Variants in DDX28 observed in about 807,000 individuals in gnomAD.
DDX28 encodes DEAD-box helicase 28.
Under a neutral mutation model 26.8 loss-of-function variants are expected in DDX28, and 25 were observed. The ratio of observed to expected loss-of-function variants is 0.93; its 90% CI spans 0.68 to 1.30. The LOEUF is 1.30. DDX28 is among the 50% of genes most tolerant of loss of function. The pLI, the probability that DDX28 is intolerant of heterozygous loss-of-function variation, is 0.00. For missense variants in DDX28, 790 were observed against 695.1 expected (o/e 1.14, Z -1.53); for synonymous variants, 370 against 311.9 (o/e 1.19, Z -1.96).
chr16:68,022,556 G>T lies in DDX28; in HGVS notation c.647C>A (p.Ala216Asp). The T allele has an allele frequency of 3.1e-6, 5 of 1,614,010 alleles. No homozygotes were observed. The highest frequency in any genetic ancestry group is 4.2e-6 in the Non-Finnish European group (5 of 1,180,026). Reference protein sequence around the residue: ...GLVLVPSRELAQQVRAVAQPL... With the variant: ...GLVLVPSRELDQQVRAVAQPL... The stretch of plus-strand genomic sequence containing the variant: ...TTGGGCCACAGCCCGCACCTGTTGG[G>T]CCAATTCTCGGGAAGGAACAAGGAC... Residue 216 changes from alanine (A) to aspartate (D), a missense_variant, in exon 1 of 1, where the codon GCC becomes GAC. Transcript: ENST00000332395.
rs2033283207 is a variant in DDX28 at position 68,023,162 on chromosome 16, G to C, written c.41C>G (p.Thr14Ser). Reference protein sequence around the residue: ...TRPVRLFSLVTRLLLAPRRGL... With the variant: ...TRPVRLFSLVSRLLLAPRRGL... ...CCGTCGCGGCGCCAGGAGCAACCGAGTCACGAGGGAAAAGAGCCGCACCGG... is the reference window on the plus strand; with the variant it reads ...CCGTCGCGGCGCCAGGAGCAACCGACTCACGAGGGAAAAGAGCCGCACCGG... Residue 14 changes from threonine to serine, a missense_variant, in exon 1 of 1, where the codon ACT becomes AGT. Transcript: ENST00000332395. The C allele has an allele frequency of 1.2e-6, 2 of 1,608,882 alleles. No individual in the cohort carries two copies. Among genetic ancestry groups the C allele is most frequent in the East Asian group, 4.5e-5 (2 of 44,862 alleles).
rs766079779 is a variant in DDX28 at position 68,021,735 on chromosome 16, G to A, written c.1468C>T (p.Arg490Cys). The A allele has an allele frequency of 1.4e-5, 23 of 1,614,036 alleles. No individual in the cohort carries two copies. Among genetic ancestry groups the A allele is most frequent in the Non-Finnish European group, 1.6e-5 (19 of 1,180,030 alleles). Reference protein sequence around the residue: ...DYIHRAGRVGRVGSEVPGTVI... With the variant: ...DYIHRAGRVGCVGSEVPGTVI... ...GTGCCTGGCACCTCGCTCCCCACACGGCCCACTCTCCCTGCTCTGTGGATG... is the reference window on the plus strand; with the variant it reads ...GTGCCTGGCACCTCGCTCCCCACACAGCCCACTCTCCCTGCTCTGTGGATG... The change falls in exon 1 of 1, where the codon CGT becomes TGT. Residue 490 changes from arginine to cysteine, a missense_variant. Coordinates refer to ENST00000332395, the MANE Select transcript of DDX28 (RefSeq NM_018380.4).
Position 68,022,111 on chromosome 16 carries a change from A to AT in DDX28, c.1091dup (p.His364GlnfsTer14). 1.2e-6 allele frequency: 2 copies of AT among 1,614,162 alleles called. No individual in the cohort carries two copies. Among genetic ancestry groups the AT allele is most frequent in the Non-Finnish European group, 8.5e-7 (1 of 1,180,032 alleles). The stretch of plus-strand genomic sequence containing the variant: ...TCAGTCTCAGAAATGTCTGTTTCAC[A>AT]TGAGGCATGATACAGTGGAGCTTGG... On this transcript the variant is annotated frameshift_variant, in exon 1 of 1. Transcript: ENST00000332395. LOFTEE classifies it high-confidence loss of function.
At position 68,022,585 on chromosome 16, in the gene DDX28, G is replaced by A; in HGVS notation, c.618C>T (p.Gly206=). 6.2e-7 allele frequency: 1 copy of A among 1,613,978 alleles called. No homozygotes were observed. The highest frequency in any genetic ancestry group is 8.5e-7 in the Non-Finnish European group (1 of 1,180,028). Residue 206 remains glycine (G), a synonymous_variant, in exon 1 of 1, where the codon GGC becomes GGT. Coordinates refer to ENST00000332395, the MANE Select transcript of DDX28 (RefSeq NM_018380.4). ...LDSLPIPAPR[G]LVLVPSRELA... ...ATTCTCGGGAAGGAACAAGGACCAGGCCTCGGGGCGCGGGGATAGGAAGGG... is the reference window on the plus strand; with the variant it reads ...ATTCTCGGGAAGGAACAAGGACCAGACCTCGGGGCGCGGGGATAGGAAGGG...
chr16:68,022,554 G>A lies in DDX28; in HGVS notation c.649C>T (p.Gln217Ter), dbSNP rs146683904. The change falls in exon 1 of 1, where the codon CAA becomes TAA. Residue 217 changes from glutamine to a stop codon, truncating the protein, a stop_gained. Coordinates refer to ENST00000332395, the MANE Select transcript of DDX28 (RefSeq NM_018380.4). LOFTEE classifies it high-confidence loss of function. ...GGTTGGGCCACAGCCCGCACCTGTT[G>A]GGCCAATTCTCGGGAAGGAACAAGG... ...LVLVPSRELAQQVRAVAQPLG... is the reference protein window; with the variant it reads ...LVLVPSRELA 5.0e-6 allele frequency: 8 copies of A among 1,613,862 alleles called. No homozygotes were observed. Among genetic ancestry groups the A allele is most frequent in the Middle Eastern group, 1.6e-4 (1 of 6,084 alleles).
chr16:68,022,893 G>A lies in DDX28; in HGVS notation c.310C>T (p.Arg104Trp), dbSNP rs112237019. The stretch of plus-strand genomic sequence containing the variant: ...GCGCGCTCGATGGAGAAGTGGTCCC[G>A]ACGCGCGCGTCGACTCTTCCAGCCT... ...SQGWKSRRAR[R>W]DHFSIERAQQ... The change falls in exon 1 of 1, where the codon CGG becomes TGG. Residue 104 changes from arginine to tryptophan, a missense_variant. Coordinates refer to ENST00000332395, the MANE Select transcript of DDX28 (RefSeq NM_018380.4). 4 of 1,564,712 alleles carry A rather than the reference G, an allele frequency of 2.6e-6. No individual in the cohort carries two copies. The highest frequency in any genetic ancestry group is 2.3e-5 in the South Asian group (2 of 87,182).
chr16:68,022,630 C>A lies in DDX28; in HGVS notation c.573G>T (p.Leu191Phe). ...GAAGGGAGTCCAGGCTTGGCTGGCC[C>A]AAGAGCCGTTGAAGCAGCGGCAGGA... ...SYLLPLLQRLLGQPSLDSLPI... is the reference protein window; with the variant it reads ...SYLLPLLQRLFGQPSLDSLPI... The change falls in exon 1 of 1, where the codon TTG (leucine) becomes TTT (phenylalanine). Residue 191 changes from leucine to phenylalanine, a missense_variant. Leu to Phe is a conservative substitution (Grantham distance 22). Coordinates refer to ENST00000332395, the MANE Select transcript of DDX28 (RefSeq NM_018380.4). 1 of 1,613,146 alleles carries A rather than the reference C, an allele frequency of 6.2e-7. No homozygotes were observed. Among genetic ancestry groups the A allele is most frequent in the South Asian group, 1.1e-5 (1 of 91,008 alleles).
In DDX28 at chr16:68,022,563, C is replaced by A; in HGVS notation, c.640G>T (p.Glu214Ter). ...PRGLVLVPSRELAQQVRAVAQ... is the reference protein window; with the variant it reads ...PRGLVLVPSR The stretch of plus-strand genomic sequence containing the variant: ...ACAGCCCGCACCTGTTGGGCCAATT[C>A]TCGGGAAGGAACAAGGACCAGGCCT... Residue 214 changes from glutamate to a stop codon, truncating the protein, a stop_gained, in exon 1 of 1, where the codon GAA becomes TAA. Transcript: ENST00000332395. LOFTEE classifies it high-confidence loss of function. The A allele has an allele frequency of 1.2e-6, 2 of 1,614,004 alleles. No individual in the cohort carries two copies. The highest frequency in any genetic ancestry group is 1.7e-6 in the Non-Finnish European group (2 of 1,180,026).
In DDX28 at chr16:68,022,093, C is replaced by T. The variant is rs147482514; in HGVS notation, c.1110G>A (p.Leu370=). Residue 370 remains leucine, a synonymous_variant, in exon 1 of 1, where the codon CTG becomes CTA. Coordinates refer to ENST00000332395, the MANE Select transcript of DDX28 (RefSeq NM_018380.4). Reference sequence around the variant, plus strand: ...CCACCTTATCTGCTCCCTTCAGTCTCAGAAATGTCTGTTTCACATGAGGCA... The same window carrying T: ...CCACCTTATCTGCTCCCTTCAGTCTTAGAAATGTCTGTTTCACATGAGGCA... ...CIMPHVKQTF[L]RLKGADKVAE... 5.6e-6 allele frequency: 9 copies of T among 1,614,066 alleles called. No individual in the cohort carries two copies. In the African/African-American group the frequency reaches 1.1e-4, roughly 19 times the overall value.
chr16:68,021,905 G>A lies in DDX28; in HGVS notation c.1298C>T (p.Ala433Val), dbSNP rs1347304958. The A allele has an allele frequency of 2.5e-6, 4 of 1,614,062 alleles. No homozygotes were observed. In the African/African-American group the frequency reaches 5.3e-5, roughly 22 times the overall value. ...QHLRLQGQMP[A>V]LMRVGIFQSF... ...CTGGAAGATTCCTACCCTCATCAAG[G>A]CTGGCATTTGCCCCTGCAACCTTAG... The change falls in exon 1 of 1, where the codon GCC (alanine) becomes GTC (valine). Residue 433 changes from alanine (A) to valine (V), a missense_variant. Coordinates refer to ENST00000332395, the MANE Select transcript of DDX28 (RefSeq NM_018380.4).
In DDX28 at chr16:68,022,601, A is replaced by G. The variant is rs1418856473; in HGVS notation, c.602T>C (p.Ile201Thr). ...AAGGACCAGGCCTCGGGGCGCGGGG[A>G]TAGGAAGGGAGTCCAGGCTTGGCTG... Reference protein sequence around the residue: ...LGQPSLDSLPIPAPRGLVLVP... With the variant: ...LGQPSLDSLPTPAPRGLVLVP... Residue 201 changes from isoleucine to threonine, a missense_variant, in exon 1 of 1, where the codon ATC (isoleucine) becomes ACC (threonine). Transcript: ENST00000332395. 1 of 1,613,590 alleles carries G rather than the reference A, an allele frequency of 6.2e-7. No homozygotes were observed. The highest frequency in any genetic ancestry group is 1.7e-5 in the Admixed American group (1 of 59,994).
At position 68,023,160 on chromosome 16, in the gene DDX28, G is replaced by T; in HGVS notation, c.43C>A (p.Arg15=). 6.2e-7 allele frequency: 1 copy of T among 1,608,564 alleles called. No individual in the cohort carries two copies. The highest frequency in any genetic ancestry group is 8.5e-7 in the Non-Finnish European group (1 of 1,179,716). The change falls in exon 1 of 1, where the codon CGG becomes AGG. Residue 15 remains arginine (R), a synonymous_variant. Coordinates refer to ENST00000332395, the MANE Select transcript of DDX28 (RefSeq NM_018380.4). ...CCCCGTCGCGGCGCCAGGAGCAACC[G>T]AGTCACGAGGGAAAAGAGCCGCACC... is the stretch of plus-strand genomic sequence containing the variant. The part of the protein sequence containing the change: ...RPVRLFSLVT[R]LLLAPRRGLT...
chr16:68,021,727 C>T lies in DDX28; in HGVS notation c.1476G>A (p.Gly492=). 1 of 1,614,206 alleles carries T rather than the reference C, an allele frequency of 6.2e-7. No homozygotes were observed. Residue 492 remains glycine (G), a synonymous_variant, in exon 1 of 1, where the codon GGG becomes GGA. Coordinates refer to ENST00000332395, the MANE Select transcript of DDX28 (RefSeq NM_018380.4). The part of the protein sequence containing the change: ...IHRAGRVGRV[G]SEVPGTVISF... Reference sequence around the variant, plus strand: ...TGATGACGGTGCCTGGCACCTCGCTCCCCACACGGCCCACTCTCCCTGCTC... The same window carrying T: ...TGATGACGGTGCCTGGCACCTCGCTTCCCACACGGCCCACTCTCCCTGCTC...
chr16:68,022,007 G>C lies in DDX28; in HGVS notation c.1196C>G (p.Thr399Ser). The part of the protein sequence containing the change: ...DRAERTGPSG[T>S]VLVFCNSSST... ...GGAGCTATTACAGAACACCAGAACA[G>C]TTCCTGAGGGACCAGTCCTTTCTGC... The change falls in exon 1 of 1, where the codon ACT (threonine) becomes AGT (serine). Residue 399 changes from threonine to serine, a missense_variant. Coordinates refer to ENST00000332395, the MANE Select transcript of DDX28 (RefSeq NM_018380.4). The C allele has an allele frequency of 1.2e-6, 2 of 1,614,204 alleles. No individual in the cohort carries two copies. Among genetic ancestry groups the C allele is most frequent in the Non-Finnish European group, 1.7e-6 (2 of 1,180,044 alleles).
At position 68,022,358 on chromosome 16, in the gene DDX28, A is replaced by G. The variant is rs142704515; in HGVS notation, c.845T>C (p.Phe282Ser). The G allele has an allele frequency of 2.5e-5, 41 of 1,614,068 alleles. No individual in the cohort carries two copies. The highest frequency in any genetic ancestry group is 3.3e-4 in the Middle Eastern group (2 of 6,082). The part of the protein sequence containing the change: ...SRLISLEQLS[F>S]LVLDEADTLL... ...TGTGTCTGCCTCATCCAACACCAAGAAGGAGAGTTGCTCCAGACTGATCAG... is the reference window on the plus strand; with the variant it reads ...TGTGTCTGCCTCATCCAACACCAAGGAGGAGAGTTGCTCCAGACTGATCAG... The change falls in exon 1 of 1, where the codon TTC becomes TCC. Residue 282 changes from phenylalanine (F) to serine (S), a missense_variant. Phe to Ser is a radical substitution (Grantham distance 155). Transcript: ENST00000332395.
Position 68,022,901 on chromosome 16 carries a change from C to G in DDX28, c.302G>C (p.Arg101Pro), listed in dbSNP as rs1224357439. The G allele has an allele frequency of 3.8e-6, 6 of 1,560,072 alleles. No individual in the cohort carries two copies. In the African/African-American group the frequency reaches 4.1e-5, roughly 11 times the overall value. The change falls in exon 1 of 1, where the codon CGC (arginine) becomes CCC (proline). Residue 101 changes from arginine to proline, a missense_variant. Transcript: ENST00000332395. ...PLASQGWKSR[R>P]ARRDHFSIER... is the part of the protein sequence containing the mutation. ...GATGGAGAAGTGGTCCCGACGCGCG[C>G]GTCGACTCTTCCAGCCTTGAGAGGC...
In DDX28 at chr16:68,022,718, A is replaced by G. The variant is rs778148182; in HGVS notation, c.485T>C (p.Leu162Pro). 1 of 1,613,222 alleles carries G rather than the reference A, an allele frequency of 6.2e-7. No homozygotes were observed. The highest frequency in any genetic ancestry group is 1.1e-5 in the South Asian group (1 of 91,080). ...GCAAACGACATGGCGGCCGCGAAGT[A>G]GTGAGGGGATGGTGCTAGACTGCAC... ...TTVQSSTIPS[L>P]LRGRHVVCAA... is the part of the protein sequence containing the mutation. Residue 162 changes from leucine (L) to proline (P), a missense_variant, in exon 1 of 1, where the codon CTA (leucine) becomes CCA (proline). Leu to Pro is a moderately conservative substitution (Grantham distance 98). Transcript: ENST00000332395.
At position 68,022,353 on chromosome 16, in the gene DDX28, C is replaced by A. The variant is rs1319479022; in HGVS notation, c.850G>T (p.Val284Leu). 6.2e-7 allele frequency: 1 copy of A among 1,614,112 alleles called. No individual in the cohort carries two copies. The highest frequency in any genetic ancestry group is 8.5e-7 in the Non-Finnish European group (1 of 1,180,048). ...LISLEQLSFL[V>L]LDEADTLLDE... ...AGCAGTGTGTCTGCCTCATCCAACACCAAGAAGGAGAGTTGCTCCAGACTG... is the reference window on the plus strand; with the variant it reads ...AGCAGTGTGTCTGCCTCATCCAACAACAAGAAGGAGAGTTGCTCCAGACTG... The change falls in exon 1 of 1, where the codon GTG (valine) becomes TTG (leucine). Residue 284 changes from valine to leucine, a missense_variant. Transcript: ENST00000332395.
In DDX28 at chr16:68,022,510, G is replaced by A. The variant is rs2033261944; in HGVS notation, c.693C>T (p.Gly231=). 1 of 1,613,756 alleles carries A rather than the reference G, an allele frequency of 6.2e-7. No individual in the cohort carries two copies. The highest frequency in any genetic ancestry group is 1.1e-5 in the South Asian group (1 of 91,086). Residue 231 remains glycine, a synonymous_variant, in exon 1 of 1, where the codon GGC becomes GGT. Coordinates refer to ENST00000332395, the MANE Select transcript of DDX28 (RefSeq NM_018380.4). The part of the protein sequence containing the change: ...AVAQPLGRSL[G]LLVRDLEGGH... ...CTCCCTCCAGGTCCCGCACCAGCAGGCCCAAGGAGCGGCCCAAGGGTTGGG... is the reference window on the plus strand; with the variant it reads ...CTCCCTCCAGGTCCCGCACCAGCAGACCCAAGGAGCGGCCCAAGGGTTGGG...
Sources: gnomAD v4.1 joint callset for allele counts on GRCh38, gnomAD v4.1.1 for gene constraint, MANE v1.5 for transcripts, NCBI Gene and HGNC (gene_info 2026-07-23, HGNC 2026-07-21) for gene names.